TNIP1: variants seen among roughly 807,000 people sequenced by gnomAD.
The protein encoded by TNIP1 is TNFAIP3-interacting protein 1.
A neutral mutation model predicts 86.6 loss-of-function variants in TNIP1; 22 were observed. The ratio of observed to expected loss-of-function variants is 0.25; its 90% CI spans 0.18 to 0.36. The LOEUF (loss-of-function observed/expected upper bound fraction) is 0.36, where lower values mean the gene tolerates loss of function less well. Among genes scored for constraint, TNIP1 ranks in the 10% least tolerant of loss-of-function variants. The pLI is 1.00. For synonymous variants in TNIP1, 294 were observed against 313.0 expected (o/e 0.94, Z 0.64); for missense variants, 709 against 820.6 (o/e 0.86, Z 1.66).
intron 12 of TNIP1, among the ~76,000 whole-genome samples, chr5:151,038,816 C>T (rs1406264671): frequency 6.6e-6 from 1 of 152,070 alleles, no homozygotes; most frequent in African/African-American, 2.4e-5. Context: ...GAAGGCTTTG[C>T]TGAGCAAGTG....
intron 1 of TNIP1, among the ~76,000 whole-genome samples, chr5:151,072,260 G>C (rs1251403824): frequency 6.6e-6 from 1 of 152,158 alleles, no homozygotes; most frequent in African/African-American, 2.4e-5. Context: ...TCTCCAGAAC[G>C]TGCCCCAAGT....
At chr5:151,052,367 C>CT in intron 6 of TNIP1, 108 bp from the exon 7 acceptor site, 2 of 883,162 alleles carry the variant, frequency 2.3e-6, no homozygotes, top group Non-Finnish European at 3.6e-6. Flanking sequence ...GGCCCAACTC[C>CT]TTATCCCCTT....
In TNIP1 at chr5:151,061,994, T is replaced by C. The variant is rs1038138496; in HGVS notation, c.357+133A>G. 1.8e-5 allele frequency: 14 copies of C among 794,876 alleles called. No individual in the cohort carries two copies. In the African/African-American group the frequency reaches 2.3e-4, roughly 13 times the overall value. 49.2% of individuals were successfully genotyped at this position (794,876 alleles called of 1,614,324 possible). On this transcript the variant is annotated intron_variant, in intron 4 of 17. Coordinates refer to ENST00000521591, the MANE Select transcript of TNIP1 (RefSeq NM_006058.5). Reference sequence around the variant, plus strand: ...AGGCCCCAGAGAGTTTGCGATGGACTTGCCCAATATCACCCAGCGAGACGG... The same window carrying C: ...AGGCCCCAGAGAGTTTGCGATGGACCTGCCCAATATCACCCAGCGAGACGG...
intron 1 of TNIP1, among the ~76,000 whole-genome samples, chr5:151,069,673 G>A (rs779218289): frequency 3.9e-5 from 6 of 152,188 alleles, no homozygotes; most frequent in Non-Finnish European, 5.9e-5. Flanking sequence ...AGAGGTGAGG[G>A]CTGCCAGGGA....
chr5:151,035,654 C>A lies in TNIP1; in HGVS notation c.1449G>T (p.Met483Ile). The A allele has an allele frequency of 6.2e-7, 1 of 1,614,198 alleles. No homozygotes were observed. Among genetic ancestry groups the A allele is most frequent in the Non-Finnish European group, 8.5e-7 (1 of 1,180,046 alleles). ...FQRERSDRERMNEEKEELKKQ... is the reference protein window; with the variant it reads ...FQRERSDRERINEEKEELKKQ... ...TCTTCAGCTCTTCCTTCTCCTCATTCATGCGCTCACGATCACTGCGCTCCC... is the reference window on the plus strand; with the variant it reads ...TCTTCAGCTCTTCCTTCTCCTCATTAATGCGCTCACGATCACTGCGCTCCC... Residue 483 changes from methionine (M) to isoleucine (I), a missense_variant, in exon 14 of 18, where the codon ATG becomes ATT. By Grantham distance (10) the Met-to-Ile change is conservative. Coordinates refer to ENST00000521591, the MANE Select transcript of TNIP1 (RefSeq NM_006058.5).
intron 2 of TNIP1, among the ~76,000 whole-genome samples, chr5:151,064,195 A>G (rs928894138): frequency 6.6e-6 from 1 of 152,134 alleles, no homozygotes; most frequent in Admixed American, 6.5e-5. Context: ...TCCTTCTCCT[A>G]CAAGTGGAGA....
At chr5:151,066,207 A>T (rs986248984) in intron 1 of TNIP1, among the ~76,000 whole-genome samples, 1 of 152,214 alleles carries the variant, frequency 6.6e-6, no homozygotes, top group Non-Finnish European at 1.5e-5. Flanking sequence ...AAGCATAAGG[A>T]GCTATTTTAG....
At chr5:151,034,648 G>T (rs1757463743) in intron 15 of TNIP1, 6 of 337,296 alleles carry the variant, frequency 1.8e-5, no homozygotes, top group South Asian at 1.5e-4. Context: ...CTGGGCATGG[G>T]CACAAAAGGC....
At chr5:151,073,632 G>A (rs538669298) in intron 1 of TNIP1, among the ~76,000 whole-genome samples, 3 of 141,240 alleles carry the variant, frequency 2.1e-5, no homozygotes, top group Admixed American at 6.8e-5. Flanking sequence ...ATAGAAAAAG[G>A]CCTGGAAGCC....
chr5:151,033,810 G>T lies in TNIP1; in HGVS notation c.1588-11C>A. ...ACGCTCTCCTGAGGCCTGCAAGAAA[G>T]GCTGACGTCTGGCTTTGGCCTGCAA... On this transcript the variant is annotated splice_polypyrimidine_tract_variant and intron_variant, in intron 15 of 17. Coordinates refer to ENST00000521591, the MANE Select transcript of TNIP1 (RefSeq NM_006058.5). The T allele has an allele frequency of 7.3e-7, 1 of 1,371,992 alleles. No individual in the cohort carries two copies. Among genetic ancestry groups the T allele is most frequent in the South Asian group, 2.2e-5 (1 of 44,522 alleles). The allele number at this position is 1,371,992 out of a possible 1,614,324, so 85.0% of individuals were successfully genotyped here. A position where few individuals can be genotyped will look rare whatever the true frequency, so the allele number is the denominator to read the frequency against.
chr5:151,083,422 C>G (rs1764157845), upstream of TNIP1, among the ~76,000 whole-genome samples: 1 of 152,198 alleles, frequency 6.6e-6, no homozygotes, highest in South Asian at 2.1e-4. Flanking sequence ...TACACATCCT[C>G]TGTGAGACCC....
upstream of TNIP1, among the ~76,000 whole-genome samples, chr5:151,083,603 C>T (rs147775696): frequency 4.3e-3 from 659 of 152,316 alleles, 8 homozygotes; most frequent in African/African-American, 0.015. Flanking sequence ...GACAAGCACT[C>T]GCACAAAGCC....
intron 5 of TNIP1, among the ~76,000 whole-genome samples, chr5:151,058,847 C>T (rs1449092960): frequency 6.6e-6 from 1 of 152,180 alleles, no homozygotes; most frequent in Non-Finnish European, 1.5e-5. Context: ...TCCTGACTCG[C>T]CATCCAGTGC....
chr5:151,057,161 G>A (rs569479921), intron 5 of TNIP1, among the ~76,000 whole-genome samples: 8 of 152,380 alleles, frequency 5.3e-5, no homozygotes, highest in Admixed American at 5.2e-4. Context: ...GGCCACTGGT[G>A]GCTCCACAGC....
At chr5:151,083,767 G>A (rs1263946829), upstream of TNIP1, among the ~76,000 whole-genome samples, 1 of 152,156 alleles carries the variant, frequency 6.6e-6, no homozygotes, top group South Asian at 2.1e-4. Context: ...CACATTTGAA[G>A]GTAATAAAAA....
At chr5:151,036,999 A>C (rs2113318906) in intron 12 of TNIP1, 78 bp from the exon 13 acceptor site, 11 of 1,482,720 alleles carry the variant, frequency 7.4e-6, no homozygotes, top group Admixed American at 2.5e-5. Context: ...TCCTCAGGGA[A>C]CTCCTTCCTA....
intron 1 of TNIP1, among the ~76,000 whole-genome samples, chr5:151,076,658 T>C (rs926955900): frequency 2.0e-5 from 3 of 151,520 alleles, no homozygotes; most frequent in Non-Finnish European, 4.4e-5. Context: ...GCTCAACCTC[T>C]CCCCCTCCCT....
At chr5:151,068,835 C>T (rs1762525861) in intron 1 of TNIP1, among the ~76,000 whole-genome samples, 1 of 152,226 alleles carries the variant, frequency 6.6e-6, no homozygotes, top group East Asian at 1.9e-4. Context: ...TCCACCTGGC[C>T]TGGTTCCACA....
intron 12 of TNIP1, among the ~76,000 whole-genome samples, chr5:151,038,485 A>G (rs1757990815): frequency 6.6e-6 from 1 of 152,054 alleles, no homozygotes; most frequent in African/African-American, 2.4e-5. Flanking sequence ...CTGGGACTAG[A>G]CCACTCCGCT....
Sources: gnomAD v4.1 joint callset for allele counts (sites outside exome capture counted in the v4.1 genomes callset) on GRCh38, gnomAD v4.1.1 for gene constraint, MANE v1.5 for transcripts, NCBI Gene and HGNC (gene_info 2026-07-23, HGNC 2026-07-21) for gene names.